The following CCDC102B variants were observed in gnomAD, a reference collection of about 807,000 sequenced individuals.
CCDC102B encodes coiled-coil domain containing 102B.
In CCDC102B, 75 loss-of-function variants were observed where a neutral mutation model predicts 57.4. The observed-to-expected ratio is 1.31, with a 90% CI of 1.08 to 1.58. The LOEUF (loss-of-function observed/expected upper bound fraction) is 1.58, where lower values mean the gene tolerates loss of function less well. Among genes scored for constraint, CCDC102B ranks in the 40% most tolerant of loss-of-function variants. CCDC102B has a pLI of 0.00. For synonymous variants in CCDC102B, 206 were observed against 201.9 expected (o/e 1.02, Z -0.17); for missense variants, 636 against 582.6 (o/e 1.09, Z -0.94).
At chr18:68,928,127 G>A (rs1468744670) in intron 6 of CCDC102B, among the ~76,000 whole-genome samples, 3 of 151,812 alleles carry the variant, frequency 2.0e-5, no homozygotes, top group Admixed American at 1.3e-4. Context: ...TGTATTCAAA[G>A]GATTAATAGA....
intron 4 of CCDC102B, among the ~76,000 whole-genome samples, chr18:68,861,141 A>T (rs1476714303): frequency 1.3e-5 from 2 of 151,792 alleles, no homozygotes; most frequent in Non-Finnish European, 2.9e-5. Context: ...ACATAATAAA[A>T]AAAAAAATAC....
At chr18:69,000,331 T>C (rs887294344) in intron 6 of CCDC102B, among the ~76,000 whole-genome samples, 2 of 152,202 alleles carry the variant, frequency 1.3e-5, no homozygotes, top group Admixed American at 1.3e-4. Context: ...AAATAAAACT[T>C]CATAATCATG....
At chr18:69,022,224 AC>A (rs1568131212) in intron 7 of CCDC102B, among the ~76,000 whole-genome samples, 3 of 111,778 alleles carry the variant, frequency 2.7e-5, no homozygotes, top group African/African-American at 9.7e-5. Context: ...TATATATATA[AC>A]ACACACACAC....
At chr18:68,850,899 A>G (rs980617466) in intron 4 of CCDC102B, among the ~76,000 whole-genome samples, 10 of 152,072 alleles carry the variant, frequency 6.6e-5, no homozygotes, top group African/African-American at 1.9e-4. Context: ...ACATCACTTC[A>G]TTAAAAAAAT....
chr18:68,781,674 A>G (rs984000781), intron 2 of CCDC102B, among the ~76,000 whole-genome samples: 3 of 152,178 alleles, frequency 2.0e-5, no homozygotes, highest in African/African-American at 4.8e-5. Flanking sequence ...GTTAATTTTG[A>G]TTATATGCCA....
rs554720750 is a variant in CCDC102B, at chr18:69,025,619, C to G, written c.1434+14515C>G. On this transcript the variant is annotated intron_variant, in intron 7 of 7. Transcript: ENST00000360242. ...CTGGTGAAAGTTATAGATCATAAAG[C>G]ACACCAAAGTTCTAATTTTTTTGTT... is the stretch of plus-strand genomic sequence containing the variant. 2.2e-3 allele frequency among the ~76,000 whole-genome samples: 331 copies of G among 152,266 alleles called. 2 individuals are homozygous for G. Among genetic ancestry groups the G allele is most frequent in the African/African-American group, 7.4e-3 (308 of 41,544 alleles).
In CCDC102B at chr18:68,845,604, A is replaced by C. The variant is rs116677133; in HGVS notation, c.828-709A>C. ...TACAGATAAGAACAGGCCAGCTTCA[A>C]AGGTCAATATATGTTCATTACAACC... On this transcript the variant is annotated intron_variant, in intron 3 of 7. Coordinates refer to ENST00000360242, the MANE Select transcript of CCDC102B (RefSeq NM_024781.3). Among the ~76,000 whole-genome samples, 260 of 151,950 alleles carry C rather than the reference A, an allele frequency of 1.7e-3. 1 individual carries two copies. Among genetic ancestry groups the C allele is most frequent in the African/African-American group, 6.0e-3 (249 of 41,550 alleles).
chr18:68,936,864 A>G (rs2145156000), intron 6 of CCDC102B, among the ~76,000 whole-genome samples: 1 of 150,518 alleles, frequency 6.6e-6, no homozygotes, highest in South Asian at 2.1e-4. Context: ...ACACATATAC[A>G]CACACACACA....
intron 6 of CCDC102B, among the ~76,000 whole-genome samples, chr18:68,971,673 T>C (rs542131836): frequency 4.5e-4 from 69 of 152,128 alleles, no homozygotes; most frequent in Non-Finnish European, 3.7e-4. Context: ...TGTAAGCCAC[T>C]AAAAGAACAA....
intron 1 of CCDC102B, among the ~76,000 whole-genome samples, chr18:68,812,766 G>C (rs113342569): frequency 0.02 from 3,041 of 152,224 alleles, 100 homozygotes; most frequent in African/African-American, 0.069. Flanking sequence ...TGTTGTTGTT[G>C]CTGTTGGAAG....
chr18:69,024,080 A>G (rs2051919121), intron 7 of CCDC102B, among the ~76,000 whole-genome samples: 1 of 152,040 alleles, frequency 6.6e-6, no homozygotes, highest in East Asian at 1.9e-4. Context: ...ATTTTCCTGT[A>G]CAAAAAAAAA....
In CCDC102B at chr18:68,852,867, G is replaced by T. The variant is rs1225242596; in HGVS notation, c.936+6446G>T. Among the ~76,000 whole-genome samples the T allele has an allele frequency of 2.3e-3, 344 of 152,252 alleles. 7 individuals are homozygous for T. The highest frequency in any genetic ancestry group is 5.7e-4 in the Non-Finnish European group (39 of 68,022). ...AGATGTGCAATTCCTCTTCTGTAGA[G>T]GTAGGTTCACAGTGAAGCTAAAAAA... On this transcript the variant is annotated intron_variant, in intron 4 of 7. Coordinates refer to ENST00000360242, the MANE Select transcript of CCDC102B (RefSeq NM_024781.3).
At chr18:68,896,698 T>C (rs184368450) in intron 5 of CCDC102B, among the ~76,000 whole-genome samples, 3 of 152,004 alleles carry the variant, frequency 2.0e-5, no homozygotes, top group Non-Finnish European at 4.4e-5. Flanking sequence ...ATTATATATA[T>C]TTTTTCAATA....
chr18:68,988,011 G>T (rs1042411026), intron 6 of CCDC102B, among the ~76,000 whole-genome samples: 1 of 152,078 alleles, frequency 6.6e-6, no homozygotes, highest in African/African-American at 2.4e-5. Context: ...GTTAGAAGCA[G>T]AACTACCATT....
At chr18:69,038,493 A>C (rs2052352046) in intron 7 of CCDC102B, among the ~76,000 whole-genome samples, 1 of 151,928 alleles carries the variant, frequency 6.6e-6, no homozygotes, top group African/African-American at 2.4e-5. Flanking sequence ...CATTCTCATA[A>C]TTTTGATATT....
chr18:68,866,797 G>T, intron 4 of CCDC102B: 1 of 694,110 alleles, frequency 1.4e-6, no homozygotes, highest in Non-Finnish European at 2.7e-6. Context: ...TTTGCTCCCT[G>T]GGAACTTTGA....
intron 6 of CCDC102B, among the ~76,000 whole-genome samples, chr18:68,975,079 A>C (rs1201510133): frequency 6.6e-6 from 1 of 151,968 alleles, no homozygotes; most frequent in Non-Finnish European, 1.5e-5. Context: ...AATAGATGGA[A>C]TGTAAAACCT....
At chr18:68,841,855 C>T (rs2037646787) in intron 3 of CCDC102B, among the ~76,000 whole-genome samples, 1 of 152,140 alleles carries the variant, frequency 6.6e-6, no homozygotes, top group Admixed American at 6.6e-5. Context: ...ACCTCAGCCT[C>T]CCAAGTAGCT....
rs2052787977 is a variant in CCDC102B, at chr18:69,054,791, T to C, written c.*654T>C. 2.0e-6 allele frequency: 2 copies of C among 985,250 alleles called. No individual in the cohort carries two copies. The highest frequency in any genetic ancestry group is 2.4e-6 in the Non-Finnish European group (2 of 829,934). 61.0% of individuals were successfully genotyped at this position (985,250 alleles called of 1,614,324 possible). A position where few individuals can be genotyped will look rare whatever the true frequency, so the allele number is the denominator to read the frequency against. ...AGAAACTAAAAGGACTTTTGACTTTTATCTGGATAGACATTTCTACAGTAA... is the reference window on the plus strand; with the variant it reads ...AGAAACTAAAAGGACTTTTGACTTTCATCTGGATAGACATTTCTACAGTAA... On this transcript the variant is annotated 3_prime_UTR_variant, in exon 8 of 8. Coordinates refer to ENST00000360242, the MANE Select transcript of CCDC102B (RefSeq NM_024781.3).
Sources: allele counts gnomAD v4.1 joint callset (sites outside exome capture counted in the v4.1 genomes callset), GRCh38; gene constraint gnomAD v4.1.1; transcripts MANE v1.5; gene names NCBI Gene and HGNC (gene_info 2026-07-23, HGNC 2026-07-21).